Variants in ZNF540 observed in about 807,000 individuals in gnomAD.
ZNF540 encodes the protein CTD-3064H18.6.
In ZNF540, 3 loss-of-function variants were observed where a neutral mutation model predicts 11.8. That is an observed-to-expected ratio of 0.25 (90% CI 0.12 to 0.65). The LOEUF is 0.65. ZNF540 is among the 30% of genes least tolerant of loss of function. ZNF540 has a pLI of 0.83. For missense variants in ZNF540, 709 were observed against 793.1 expected (o/e 0.89, Z 1.27); for synonymous variants, 247 against 259.0 (o/e 0.95, Z 0.45).
upstream of ZNF540, among the ~76,000 whole-genome samples, chr19:37,590,173 A>C (rs1372965796): frequency 5.3e-5 from 8 of 152,032 alleles, no homozygotes; most frequent in African/African-American, 1.7e-4. Context: ...TCAGGAGGCC[A>C]AGGCGGGTGG....
intron 4 of ZNF540, among the ~76,000 whole-genome samples, chr19:37,605,450 C>A (rs2044077659): frequency 6.6e-6 from 1 of 152,116 alleles, no homozygotes. Context: ...GAGTTCGAGA[C>A]CAGCCTGACC....
At chr19:37,598,079 A>G (rs1407297797) in intron 1 of ZNF540, among the ~76,000 whole-genome samples, 1 of 152,174 alleles carries the variant, frequency 6.6e-6, no homozygotes. Context: ...TACTCTGGGC[A>G]ATTCTGAACA....
intron 1 of ZNF540, among the ~76,000 whole-genome samples, chr19:37,597,078 G>A (rs2044002149): frequency 6.6e-6 from 1 of 152,124 alleles, no homozygotes. Flanking sequence ...CTGTTTTTCT[G>A]ATGTTGAAGT....
rs1006977282 is a variant in ZNF540, at chr19:37,613,374, G to A, written c.*111G>A. ...TTTTACACATATTAACTTAATAAAT[G>A]TATGAGTCTTAAATACCTCTTAGTT... is the stretch of plus-strand genomic sequence containing the variant. On this transcript the variant is annotated 3_prime_UTR_variant, in exon 5 of 5. Coordinates refer to ENST00000316433, the MANE Select transcript of ZNF540 (RefSeq NM_001172225.3). The A allele has an allele frequency of 2.1e-5, 16 of 774,076 alleles. No individual in the cohort carries two copies. The highest frequency in any genetic ancestry group is 3.5e-5 in the African/African-American group (2 of 57,290). 48.0% of individuals were successfully genotyped at this position (774,076 alleles called of 1,614,324 possible). A position where few individuals can be genotyped will look rare whatever the true frequency, so the allele number is the denominator to read the frequency against.
intron 1 of ZNF540, among the ~76,000 whole-genome samples, chr19:37,588,854 T>G (rs973513446): frequency 6.6e-6 from 1 of 152,150 alleles, no homozygotes; most frequent in African/African-American, 2.4e-5. Flanking sequence ...GGAACCCCAT[T>G]TTATAACACA....
intron 4 of ZNF540, among the ~76,000 whole-genome samples, chr19:37,603,288 C>A (rs2147228831): frequency 6.6e-6 from 1 of 152,164 alleles, no homozygotes; most frequent in African/African-American, 2.4e-5. Context: ...CGTGAGCCAC[C>A]ATGCCTGGCC....
chr19:37,598,197 T>G (rs892080116), intron 1 of ZNF540, among the ~76,000 whole-genome samples, 179 bp from the exon 2 acceptor site: 1 of 152,224 alleles, frequency 6.6e-6, no homozygotes. Flanking sequence ...CTGCACTGTG[T>G]CCATCCTCGT....
intron 1 of ZNF540, chr19:37,564,610 C>T (rs199608137): frequency 2.4e-5 from 37 of 1,518,816 alleles, no homozygotes; most frequent in Non-Finnish European, 2.9e-5. Context: ...AATTATGAAG[C>T]CTTGTATGTT....
intron 1 of ZNF540, chr19:37,567,541 C>T (rs2147155384): frequency 6.6e-6 from 1 of 152,330 alleles, no homozygotes; most frequent in Middle Eastern, 3.4e-3. Context: ...TGAGCCACTA[C>T]TATCTTCAGA....
chr19:37,605,717 CCA>C (rs1388791057), intron 4 of ZNF540, among the ~76,000 whole-genome samples: 2 of 152,164 alleles, frequency 1.3e-5, no homozygotes, highest in African/African-American at 4.8e-5. Flanking sequence ...TCCAATAGCT[CCA>C]CATTGTTGCC....
In ZNF540 at chr19:37,613,122, G is replaced by A; in HGVS notation, c.1842G>A (p.Lys614=). 6.2e-7 allele frequency: 1 copy of A among 1,613,944 alleles called. No individual in the cohort carries two copies. The highest frequency in any genetic ancestry group is 1.1e-5 in the South Asian group (1 of 91,070). ...CCTATGAGTGTAAACAATGTGGGAA[G>A]GCCTTTAGACTTAATTCACACCTTA... ...EKPYECKQCG[K]AFRLNSHLTE... is the part of the protein sequence containing the mutation. Residue 614 remains lysine (K), a synonymous_variant, in exon 5 of 5, where the codon AAG becomes AAA. Coordinates refer to ENST00000316433, the MANE Select transcript of ZNF540 (RefSeq NM_001172225.3).
chr19:37,554,567 G>A (rs1373223640), intron 1 of ZNF540, among the ~76,000 whole-genome samples: 2 of 152,100 alleles, frequency 1.3e-5, no homozygotes, highest in Non-Finnish European at 2.9e-5. Flanking sequence ...CTTGTGTTTA[G>A]CTTTGAGTTC....
chr19:37,591,608 A>T (rs997186862), upstream of ZNF540, among the ~76,000 whole-genome samples: 21 of 152,192 alleles, frequency 1.4e-4, no homozygotes, highest in Non-Finnish European at 2.6e-4. Context: ...GCAATGGCGC[A>T]ATCTCGGCTC....
intron 1 of ZNF540, among the ~76,000 whole-genome samples, chr19:37,589,103 G>A (rs2043783562): frequency 6.6e-6 from 1 of 151,538 alleles, no homozygotes; most frequent in African/African-American, 2.4e-5. Context: ...GGGAGGCTAA[G>A]GCAGGAGAAT....
At chr19:37,611,353 T>C (rs2044127068) in intron 4 of ZNF540, 160 bp from the exon 5 acceptor site, 1 of 569,082 alleles carries the variant, frequency 1.8e-6, no homozygotes, top group Non-Finnish European at 2.9e-6. Flanking sequence ...TAAGCTCATG[T>C]TGCCTAATTT....
chr19:37,584,255 A>G (rs2147198281), intron 1 of ZNF540: 1 of 875,100 alleles, frequency 1.1e-6, no homozygotes, highest in South Asian at 1.7e-5. Flanking sequence ...TATCATTCCT[A>G]TTGCCACAGA....
chr19:37,572,543 A>ATATGG (rs2043099585), intron 1 of ZNF540, among the ~76,000 whole-genome samples: 5 of 152,298 alleles, frequency 3.3e-5, no homozygotes, highest in Admixed American at 1.3e-4. Context: ...CACATAATAT[A>ATATGG]TATGGCTCAG....
At chr19:37,581,087 C>T (rs557893678) in intron 1 of ZNF540, among the ~76,000 whole-genome samples, 1 of 152,038 alleles carries the variant, frequency 6.6e-6, no homozygotes, top group African/African-American at 2.4e-5. Flanking sequence ...TCTTAAAATC[C>T]ATCACCAAAG....
chr19:37,587,798 C>T (rs1466243975), intron 1 of ZNF540, among the ~76,000 whole-genome samples: 3 of 152,030 alleles, frequency 2.0e-5, no homozygotes, highest in African/African-American at 7.2e-5. Context: ...TTTTCACCTC[C>T]TTTGAGGCAA....
Sources: allele counts gnomAD v4.1 joint callset (sites outside exome capture counted in the v4.1 genomes callset), GRCh38; gene constraint gnomAD v4.1.1; transcripts MANE v1.5; gene names NCBI Gene and HGNC (gene_info 2026-07-23, HGNC 2026-07-21).